The following MUC6 variants were observed in gnomAD, a reference collection of about 807,000 sequenced individuals.
MUC6 encodes the protein mucin-6.
In MUC6, 188 loss-of-function variants were observed where a neutral mutation model predicts 201.5. That is an observed-to-expected ratio of 0.93 (90% confidence interval 0.83 to 1.05). The LOEUF is 1.05. MUC6 is among the 50% of genes least tolerant of loss of function. The pLI is 0.00. For missense variants in MUC6, 2,706 were observed against 3,256.9 expected, an observed-to-expected ratio of 0.83 and a Z score of 4.12; for synonymous variants, 1,228 against 1,389.4, an observed-to-expected ratio of 0.88 and a Z score of 2.58.
Position 1,016,387 on chromosome 11 carries a change from G to A in MUC6, c.6414C>T (p.Pro2138=), listed in dbSNP as rs533561881. ...SSSFSPSPSA[P]STVSSYVPSS... Reference sequence around the variant, plus strand: ...AGGGCACATAAGAAGAAACAGTAGAGGGGGCAGAAGGACTGGGAGAAAATG... The same window carrying A: ...AGGGCACATAAGAAGAAACAGTAGAAGGGGCAGAAGGACTGGGAGAAAATG... The change falls in exon 31 of 33, where the codon CCC becomes CCT. Residue 2138 remains proline, a synonymous_variant. Coordinates refer to ENST00000421673, the MANE Select transcript of MUC6 (RefSeq NM_005961.3). 9.8e-5 allele frequency: 158 copies of A among 1,613,148 alleles called. No homozygotes were observed. The East Asian group carries it at 3.2e-3, about 32-fold the overall frequency.
rs774019118 is a variant in MUC6 at position 1,016,212 on chromosome 11, G to A, written c.6589C>T (p.Leu2197Phe). 2.5e-6 allele frequency: 4 copies of A among 1,613,260 alleles called. No homozygotes were observed. In the Admixed American group the frequency reaches 6.7e-5, roughly 27 times the overall value. ...PTTASVSASP[L>F]FPSSPAASTT... ...GAGGCAGCTGGAGAAGAAGGAAAAA[G>A]AGGAGATGCAGACACTGATGCAGTC... The change falls in exon 31 of 33, where the codon CTT becomes TTT. Residue 2197 changes from leucine to phenylalanine, a missense_variant. Leu to Phe is a conservative substitution (Grantham distance 22). Around this residue, in one of 10 missense-constraint regions of MUC6, gnomAD observed 586 missense variants for 488.0 expected, o/e 1.20. Coordinates refer to ENST00000421673, the MANE Select transcript of MUC6 (RefSeq NM_005961.3).
Position 1,033,285 on chromosome 11 carries a change from T to G in MUC6, c.53-210A>C. 5.1e-6 allele frequency: 3 copies of G among 591,996 alleles called. No homozygotes were observed. The highest frequency in any genetic ancestry group is 9.2e-6 in the Non-Finnish European group (3 of 327,662). 36.7% of individuals were successfully genotyped at this position (591,996 alleles called of 1,614,324 possible). ...CACGAGCCCCAGCTTCCTTCCCTGC[T>G]CTCGTTCACTCCCTCGTTTGTCCAC... On this transcript the variant is annotated intron_variant, in intron 1 of 32. Transcript: ENST00000421673. The surrounding 1 kb of genome is among the most constrained non-coding windows in gnomAD (Gnocchi z 5.6).
chr11:1,018,711 G>T lies in MUC6; in HGVS notation c.4090C>A (p.Pro1364Thr), dbSNP rs114019169. 1.6e-3 allele frequency: 2,606 copies of T among 1,598,810 alleles called. 52 individuals carry two copies. The African/African-American group carries it at 0.032, about 19-fold the overall frequency. ...TTATQTTGPRPTPASTTGPTT... is the reference protein window; with the variant it reads ...TTATQTTGPRTTPASTTGPTT... ...GGGCCTGTGGTGCTTGCTGGGGTTGGACGTGGGCCTGTCGTCTGGGTGGCC... is the reference window on the plus strand; with the variant it reads ...GGGCCTGTGGTGCTTGCTGGGGTTGTACGTGGGCCTGTCGTCTGGGTGGCC... The change falls in exon 31 of 33, where the codon CCA becomes ACA. Residue 1364 changes from proline (P) to threonine (T), a missense_variant. Physicochemically the swap from Pro to Thr is conservative, Grantham distance 38. Coordinates refer to ENST00000421673, the MANE Select transcript of MUC6 (RefSeq NM_005961.3).
At position 1,016,539 on chromosome 11, in the gene MUC6, T is replaced by C. The variant is rs1554896441; in HGVS notation, c.6262A>G (p.Ile2088Val). The C allele has an allele frequency of 2.3e-5, 29 of 1,246,036 alleles. No individual in the cohort carries two copies. The highest frequency in any genetic ancestry group is 1.6e-4 in the South Asian group (12 of 73,058). The allele number at this position is 1,246,036 out of a possible 1,614,324, so 77.2% of individuals were successfully genotyped here. A position where few individuals can be genotyped will look rare whatever the true frequency, so the allele number is the denominator to read the frequency against. ...TGAGGCAGCCAAGACGAGGAGGATA[T>C]GAAGGAAGAAGAGGCTGTAGCTGTG... ...FSTATASSSFISSSSWLPQNS... is the reference protein window; with the variant it reads ...FSTATASSSFVSSSSWLPQNS... Residue 2088 changes from isoleucine to valine, a missense_variant, in exon 31 of 33, where the codon ATA (isoleucine) becomes GTA (valine). By Grantham distance (29) the Ile-to-Val change is conservative. This residue lies in a region of MUC6 where 586 missense variants were observed against 488.0 expected (regional missense o/e 1.20). Transcript: ENST00000421673.
In MUC6 at chr11:1,029,117, C is replaced by G; in HGVS notation, c.1309G>C (p.Ala437Pro). 6.2e-7 allele frequency: 1 copy of G among 1,612,624 alleles called. No homozygotes were observed. Among genetic ancestry groups the G allele is most frequent in the Non-Finnish European group, 8.5e-7 (1 of 1,179,772 alleles). ...PQLPEDGALM[A>P]VYDKSGVSHS... ...GAGACGCCGGACTTGTCGTACACAG[C>G]CATGAGGGCACCGTCCTCGGGAAGC... The change falls in exon 11 of 33, where the codon GCT becomes CCT. Residue 437 changes from alanine to proline, a missense_variant. Around this residue, in one of 10 missense-constraint regions of MUC6, gnomAD observed 1,850 missense variants for 1,958.3 expected, o/e 0.94. Coordinates refer to ENST00000421673, the MANE Select transcript of MUC6 (RefSeq NM_005961.3).
Position 1,015,920 on chromosome 11 carries a change from C to A in MUC6, c.6881G>T (p.Gly2294Val). The change falls in exon 31 of 33, where the codon GGT becomes GTT. Residue 2294 changes from glycine to valine, a missense_variant. Transcript: ENST00000421673. Reference protein sequence around the residue: ...GFVSLTSGVTGIPTSPVTNLT... With the variant: ...GFVSLTSGVTVIPTSPVTNLT... ...GTTGGTGACTGGAGAGGTGGGGATACCCGTCACCCCCGAGGTGAGTGACAC... is the reference window on the plus strand; with the variant it reads ...GTTGGTGACTGGAGAGGTGGGGATAACCGTCACCCCCGAGGTGAGTGACAC... The A allele has an allele frequency of 6.2e-7, 1 of 1,601,646 alleles. No individual in the cohort carries two copies.
In MUC6 at chr11:1,036,605, A is replaced by G; in HGVS notation, c.51T>C (p.Ala17=). 1 of 1,548,832 alleles carries G rather than the reference A, an allele frequency of 6.5e-7. No individual in the cohort carries two copies. The highest frequency in any genetic ancestry group is 8.7e-7 in the Non-Finnish European group (1 of 1,146,420). ...CTGGCGCCCCTCGACCTCACTCACC[A>G]GCGCTGAGCAGGGCTCCGCAGCAGG... The part of the protein sequence containing the change: ...LLSCCGALLS[A]GLANTSYTSP... Residue 17 remains alanine (A), a splice_region_variant and synonymous_variant, in exon 1 of 33, where the codon GCT becomes GCC. Coordinates refer to ENST00000421673, the MANE Select transcript of MUC6 (RefSeq NM_005961.3).
At position 1,013,123 on chromosome 11, in the gene MUC6, C is replaced by T; in HGVS notation, c.*333G>A. ...TGGCTTCATCTGCAGGGTTCTGGGCCCAGCAGGGCTGGGGCCAAGTTCAGG... is the reference window on the plus strand; with the variant it reads ...TGGCTTCATCTGCAGGGTTCTGGGCTCAGCAGGGCTGGGGCCAAGTTCAGG... On this transcript the variant is annotated 3_prime_UTR_variant, in exon 33 of 33. Coordinates refer to ENST00000421673, the MANE Select transcript of MUC6 (RefSeq NM_005961.3). The T allele has an allele frequency of 2.6e-6, 1 of 378,214 alleles. No individual in the cohort carries two copies. The highest frequency in any genetic ancestry group is 4.6e-5 in the South Asian group (1 of 21,772). 23.4% of individuals were successfully genotyped at this position (378,214 alleles called of 1,614,324 possible). A position where few individuals can be genotyped will look rare whatever the true frequency, so the allele number is the denominator to read the frequency against.
rs1455518409 is a variant in MUC6 at position 1,015,905 on chromosome 11, G to A, written c.6896C>T (p.Pro2299Leu). Residue 2299 changes from proline to leucine, a missense_variant, in exon 31 of 33, where the codon CCA (proline) becomes CTA (leucine). Transcript: ENST00000421673. ...TSGVTGIPTS[P>L]VTNLTTRHPG... ...GTGCCTGGTGGTAAGGTTGGTGACTGGAGAGGTGGGGATACCCGTCACCCC... is the reference window on the plus strand; with the variant it reads ...GTGCCTGGTGGTAAGGTTGGTGACTAGAGAGGTGGGGATACCCGTCACCCC... The A allele has an allele frequency of 6.2e-7, 1 of 1,606,944 alleles. No individual in the cohort carries two copies. Among genetic ancestry groups the A allele is most frequent in the East Asian group, 2.2e-5 (1 of 44,782 alleles).
Position 1,028,794 on chromosome 11 carries a change from C to T in MUC6, c.1454-11G>A. The T allele has an allele frequency of 6.2e-7, 1 of 1,609,788 alleles. No homozygotes were observed. The highest frequency in any genetic ancestry group is 8.5e-7 in the Non-Finnish European group (1 of 1,179,652). ...AGACCGTGATGTTGCCTGCAGGACG[C>T]AGTGCTCAGTGGGCCGTCTGGGCTC... On this transcript the variant is annotated splice_polypyrimidine_tract_variant and intron_variant, in intron 12 of 32. Coordinates refer to ENST00000421673, the MANE Select transcript of MUC6 (RefSeq NM_005961.3).
chr11:1,026,269 C>T (rs1048681217), intron 20 of MUC6, 58 bp downstream of exon 20: 3 of 1,546,330 alleles, frequency 1.9e-6, no homozygotes, highest in South Asian at 1.2e-5. Context: ...CGGGCAGCCT[C>T]CGCCTGCCCC....
Position 1,027,878 on chromosome 11 carries a change from C to T in MUC6, c.1849-61G>A, listed in dbSNP as rs1215538765. ...CACCCTGCCCTGGGGACATGGGGGT[C>T]CCAAACCTATGCCCTTGGGTGCCTG... On this transcript the variant is annotated intron_variant, in intron 15 of 32. Transcript: ENST00000421673. 5 of 1,584,574 alleles carry T rather than the reference C, an allele frequency of 3.2e-6. No individual in the cohort carries two copies. The East Asian group carries it at 9.2e-5, about 29-fold the overall frequency.
In MUC6 at chr11:1,023,334, ATGAATG is replaced by A. The variant is rs939483204; in HGVS notation, c.3526+169_3526+174del. ...TGAATGAATGCATGAATCTGCATGAATGAATGTGAATGTGCGTGAGTGTGTGTGAAT... is the reference window on the plus strand; with the variant it reads ...TGAATGAATGCATGAATCTGCATGAATGAATGTGCGTGAGTGTGTGTGAAT... On this transcript the variant is annotated intron_variant, in intron 26 of 32. Transcript: ENST00000421673. 3.7e-3 allele frequency among the ~76,000 whole-genome samples: 562 copies of A among 151,648 alleles called. 3 individuals carry two copies. The highest frequency in any genetic ancestry group is 0.013 in the African/African-American group (529 of 41,326).
rs1363695057 is a variant in MUC6, at chr11:1,019,387, G to A, written c.3918C>T (p.Thr1306=). The change falls in exon 30 of 33, where the codon ACC becomes ACT. Residue 1306 remains threonine, a synonymous_variant. Coordinates refer to ENST00000421673, the MANE Select transcript of MUC6 (RefSeq NM_005961.3). ...ATKPTVTQAT[T]RATASTASPA... The stretch of plus-strand genomic sequence containing the variant: ...GGCTGGCGGTCGACGCCGTGGCCCT[G>A]GTTGTGGCCTGGGTCACTGTGGGTT... The A allele has an allele frequency of 1.9e-6, 3 of 1,613,758 alleles. No homozygotes were observed. Among genetic ancestry groups the A allele is most frequent in the Non-Finnish European group, 2.5e-6 (3 of 1,179,672 alleles).
Position 1,036,664 on chromosome 11 carries a change from G to T in MUC6, c.-9C>A. Reference sequence around the variant, plus strand: ...AGCCACCGCTGGACCATGGTGCACAGTGGAGAGGAGCTCGCGCTGGGCCCG... The same window carrying T: ...AGCCACCGCTGGACCATGGTGCACATTGGAGAGGAGCTCGCGCTGGGCCCG... On this transcript the variant is annotated 5_prime_UTR_variant, in exon 1 of 33. It adds an upstream start codon to the 5' untranslated region. Coordinates refer to ENST00000421673, the MANE Select transcript of MUC6 (RefSeq NM_005961.3). 2 of 1,546,384 alleles carry T rather than the reference G, an allele frequency of 1.3e-6. No homozygotes were observed. The highest frequency in any genetic ancestry group is 1.7e-6 in the Non-Finnish European group (2 of 1,146,298).
chr11:1,030,615 C>T lies in MUC6; in HGVS notation c.850G>A (p.Val284Met). The stretch of plus-strand genomic sequence containing the variant: ...CGCCAGCGGCGGACCGGCTGGCCCA[C>T]CATGCTGCACTGGCGGGAGTACTCC... ...LSEYSRQCSM[V>M]GQPVRRWRSP... Residue 284 changes from valine to methionine, a missense_variant, in exon 7 of 33, where the codon GTG becomes ATG. Coordinates refer to ENST00000421673, the MANE Select transcript of MUC6 (RefSeq NM_005961.3). 1.3e-6 allele frequency: 2 copies of T among 1,534,724 alleles called. No homozygotes were observed. The highest frequency in any genetic ancestry group is 2.4e-5 in the East Asian group (1 of 40,958).
chr11:1,022,988 G>A (rs185669431), intron 26 of MUC6, among the ~76,000 whole-genome samples: 2 of 151,888 alleles, frequency 1.3e-5, no homozygotes, highest in Non-Finnish European at 2.9e-5. Flanking sequence ...GCATGAATGT[G>A]GGTGAGTAAA....
In MUC6 at chr11:1,020,008, G is replaced by A. The variant is rs1212907044; in HGVS notation, c.3808+82C>T. The stretch of plus-strand genomic sequence containing the variant: ...TGGCAGATGTGAGCCAGGAAGCAGG[G>A]CCATCCCTAAGCCCACCCCAGAGGT... On this transcript the variant is annotated intron_variant, in intron 29 of 32. Coordinates refer to ENST00000421673, the MANE Select transcript of MUC6 (RefSeq NM_005961.3). 4 of 1,494,342 alleles carry A rather than the reference G, an allele frequency of 2.7e-6. No homozygotes were observed. The East Asian group carries it at 9.6e-5, about 36-fold the overall frequency. 92.6% of individuals were successfully genotyped at this position (1,494,342 alleles called of 1,614,324 possible). A position where few individuals can be genotyped will look rare whatever the true frequency, so the allele number is the denominator to read the frequency against.
intron 24 of MUC6, 56 bp downstream of exon 24, chr11:1,024,788 C>G (rs1250449947): frequency 1.9e-6 from 3 of 1,573,006 alleles, no homozygotes; most frequent in African/African-American, 2.7e-5. Flanking sequence ...CCTTCCCCCG[C>G]CCCCACCGGA....
Sources: gnomAD v4.1 joint callset for allele counts (sites outside exome capture counted in the v4.1 genomes callset) on GRCh38, gnomAD v4.1.1 for gene constraint, gnomAD v4.1.1 regional missense constraint, Gnocchi (gnomAD v3.1) non-coding constraint, MANE v1.5 for transcripts, NCBI Gene and HGNC (gene_info 2026-07-23, HGNC 2026-07-21) for gene names.